The following DENND1A variants were observed in gnomAD, a reference collection of about 807,000 sequenced individuals.
DENND1A encodes the protein DENN domain containing 1A.
Under a neutral mutation model 113.7 loss-of-function variants are expected in DENND1A, and 51 were observed. The ratio of observed to expected loss-of-function variants is 0.45; its 90% CI spans 0.36 to 0.57. DENND1A has a LOEUF of 0.57. Among genes scored for constraint, DENND1A ranks in the 20% least tolerant of loss-of-function variants. DENND1A has a pLI of 0.00. For synonymous variants in DENND1A, 565 were observed against 570.8 expected, an observed-to-expected ratio of 0.99 and a Z score of 0.14; for missense variants, 1,258 against 1,395.9, an observed-to-expected ratio of 0.90 and a Z score of 1.57.
chr9:123,520,217 G>C (rs1273928275), intron 13 of DENND1A, among the ~76,000 whole-genome samples: 1 of 146,176 alleles, frequency 6.8e-6, no homozygotes. Context: ...AGCATTTTCA[G>C]AGGCTGAGGT....
At chr9:123,711,650 C>T (rs1188505405) in intron 5 of DENND1A, among the ~76,000 whole-genome samples, 1 of 151,430 alleles carries the variant, frequency 6.6e-6, no homozygotes, top group Non-Finnish European at 1.5e-5. Context: ...TCATTCAACA[C>T]CCTGGCTCTC....
At chr9:123,832,442 A>T (rs1380769105) in intron 2 of DENND1A, among the ~76,000 whole-genome samples, 1 of 152,250 alleles carries the variant, frequency 6.6e-6, no homozygotes, top group Non-Finnish European at 1.5e-5. Context: ...AATCAGTTCC[A>T]CCACATTGGA....
chr9:123,417,952 A>T (rs954238308), intron 19 of DENND1A, among the ~76,000 whole-genome samples: 5 of 151,850 alleles, frequency 3.3e-5, no homozygotes, highest in African/African-American at 1.2e-4. Flanking sequence ...GACAAGAGTG[A>T]GGCTGAATAT....
intron 21 of DENND1A, 118 bp from the exon 22 acceptor site, chr9:123,387,976 A>G: frequency 1.9e-6 from 2 of 1,078,112 alleles, no homozygotes; most frequent in Non-Finnish European, 2.4e-6. Flanking sequence ...TCTGTGTGCC[A>G]GCCTGGGGTG....
intron 11 of DENND1A, among the ~76,000 whole-genome samples, chr9:123,584,932 C>A (rs762841357): frequency 9.2e-5 from 14 of 152,188 alleles, no homozygotes; most frequent in Non-Finnish European, 1.3e-4. Flanking sequence ...CAGTCCCTGA[C>A]AACATGACTG....
chr9:123,707,656 TGAC>T (rs1478814327), intron 5 of DENND1A, among the ~76,000 whole-genome samples: 1 of 152,144 alleles, frequency 6.6e-6, no homozygotes. Context: ...CTGATAACCA[TGAC>T]AAGAGCAGAT....
At chr9:123,408,601 C>T (rs1402412974) in intron 20 of DENND1A, among the ~76,000 whole-genome samples, 3 of 152,154 alleles carry the variant, frequency 2.0e-5, no homozygotes, top group Non-Finnish European at 4.4e-5. Flanking sequence ...GACTTCCAAG[C>T]CTAGGAGAGC....
At chr9:123,477,073 T>C (rs1261929530) in intron 13 of DENND1A, among the ~76,000 whole-genome samples, 2 of 152,194 alleles carry the variant, frequency 1.3e-5, no homozygotes, top group Non-Finnish European at 2.9e-5. Context: ...TACTCTCCAT[T>C]TTCAGATGAA....
intron 13 of DENND1A, among the ~76,000 whole-genome samples, chr9:123,514,439 C>A (rs575003030): frequency 6.6e-6 from 1 of 151,812 alleles, no homozygotes; most frequent in African/African-American, 2.4e-5. Flanking sequence ...AGTGGTCTAG[C>A]GCTGGGGTGT....
rs563787356 is a variant in DENND1A, at chr9:123,478,477, C to T, written c.994-20580G>A. Among the ~76,000 whole-genome samples, 17 of 152,266 alleles carry T rather than the reference C, an allele frequency of 1.1e-4. 1 individual carries two copies. Among genetic ancestry groups the T allele is most frequent in the African/African-American group, 4.1e-4 (17 of 41,564 alleles). ...GTCTCATTTTGGGAAGACTGAATTG[C>T]CATGAGTTTCCCTCCCTCCTTTCCA... On this transcript the variant is annotated intron_variant, in intron 13 of 23. Transcript: ENST00000394215.
At chr9:123,776,427 T>C (rs563068881) in intron 3 of DENND1A, among the ~76,000 whole-genome samples, 2 of 152,360 alleles carry the variant, frequency 1.3e-5, no homozygotes, top group East Asian at 3.9e-4. Flanking sequence ...ATTCTAATTA[T>C]TAAAATTTAT....
At chr9:123,526,818 G>A (rs1014940553) in intron 13 of DENND1A, among the ~76,000 whole-genome samples, 2 of 152,106 alleles carry the variant, frequency 1.3e-5, no homozygotes, top group Admixed American at 1.3e-4. Flanking sequence ...TCTGGTCTAT[G>A]CTCTTTTCTT....
At chr9:123,891,232 C>T (rs901201914) in intron 1 of DENND1A, among the ~76,000 whole-genome samples, 13 of 152,270 alleles carry the variant, frequency 8.5e-5, no homozygotes, top group South Asian at 6.2e-4. Context: ...TCCCAAGTTC[C>T]CTTTTCTGAG....
chr9:123,588,019 T>C (rs1367830015), intron 11 of DENND1A, among the ~76,000 whole-genome samples: 2 of 152,182 alleles, frequency 1.3e-5, no homozygotes, highest in African/African-American at 4.8e-5. Context: ...GGCTCACACC[T>C]GTAATCCCAG....
chr9:123,828,216 T>G (rs149845921), intron 2 of DENND1A, among the ~76,000 whole-genome samples: 4 of 152,036 alleles, frequency 2.6e-5, no homozygotes, highest in African/African-American at 9.6e-5. Context: ...TTGAGAGTTT[T>G]GCATAAAATT....
intron 13 of DENND1A, chr9:123,485,652 G>GCGCA (rs1345211551): frequency 6.2e-5 from 1 of 16,202 alleles, no homozygotes; most frequent in African/African-American, 1.2e-4. Flanking sequence ...ACACGCGCGC[G>GCGCA]CGCGCACACA....
At chr9:123,761,470 T>C (rs561290386) in intron 4 of DENND1A, among the ~76,000 whole-genome samples, 9 of 152,206 alleles carry the variant, frequency 5.9e-5, no homozygotes, top group Non-Finnish European at 1.2e-4. Flanking sequence ...CTTTATAATA[T>C]CTGTGAGTAG....
At chr9:123,689,874 A>T (rs1203201331) in intron 5 of DENND1A, among the ~76,000 whole-genome samples, 1 of 151,882 alleles carries the variant, frequency 6.6e-6, no homozygotes, top group African/African-American at 2.4e-5. Flanking sequence ...TGTATGCCTC[A>T]GCTACTCAGG....
At chr9:123,525,578 G>T (rs764034904) in intron 13 of DENND1A, among the ~76,000 whole-genome samples, 1 of 151,992 alleles carries the variant, frequency 6.6e-6, no homozygotes, top group Non-Finnish European at 1.5e-5. Flanking sequence ...GAACAATACC[G>T]GCTGGCACTA....
Sources: allele counts gnomAD v4.1 joint callset (sites outside exome capture counted in the v4.1 genomes callset), GRCh38; gene constraint gnomAD v4.1.1; transcripts MANE v1.5; gene names NCBI Gene and HGNC (gene_info 2026-07-23, HGNC 2026-07-21).